Variants in FBXW7 observed in about 807,000 individuals in gnomAD.
FBXW7 encodes the protein F-box/WD repeat-containing protein 7.
A neutral mutation model predicts 86.3 loss-of-function variants in FBXW7; 11 were observed. The observed-to-expected ratio is 0.13, with a 90% CI of 0.08 to 0.21. FBXW7 has a LOEUF of 0.21. FBXW7 is among the 10% of genes least tolerant of loss of function. The pLI, the probability that FBXW7 is intolerant of heterozygous loss-of-function variation, is 1.00. For synonymous variants in FBXW7, 313 were observed against 297.9 expected (o/e 1.05, Z -0.52); for missense variants, 488 against 847.4 (o/e 0.58, Z 5.27).
intron 2 of FBXW7, among the ~76,000 whole-genome samples, chr4:152,495,640 GA>G (rs1746267808): frequency 6.6e-6 from 1 of 152,130 alleles, no homozygotes; most frequent in South Asian, 2.1e-4. Flanking sequence ...GTAGGGACTA[GA>G]AATGAGACTT....
chr4:152,476,378 T>C (rs1028913856), intron 2 of FBXW7, among the ~76,000 whole-genome samples: 3 of 151,878 alleles, frequency 2.0e-5, no homozygotes, highest in African/African-American at 7.3e-5. Flanking sequence ...TAATAAAACA[T>C]CTGGACAAAA....
chr4:152,400,443 G>C (rs886899567), intron 4 of FBXW7, among the ~76,000 whole-genome samples: 1 of 152,070 alleles, frequency 6.6e-6, no homozygotes, highest in Non-Finnish European at 1.5e-5. Flanking sequence ...CCAGGCTCAA[G>C]CAATCCTCCA....
chr4:152,498,809 C>T lies in FBXW7; in HGVS notation c.-120+36132G>A, dbSNP rs114379401. 4.6e-5 allele frequency among the ~76,000 whole-genome samples: 7 copies of T among 151,888 alleles called. 1 individual carries two copies. Among genetic ancestry groups the T allele is most frequent in the African/African-American group, 9.7e-5 (4 of 41,382 alleles). On this transcript the variant is annotated intron_variant, in intron 2 of 13. Coordinates refer to ENST00000281708, the MANE Select transcript of FBXW7 (RefSeq NM_001349798.2). ...AGAAGAAAAAGCAATTCAAAAGGTA[C>T]AAAAATTGGCATTCCTGGTAAGAAA...
intron 2 of FBXW7, among the ~76,000 whole-genome samples, chr4:152,521,703 A>T (rs899867466): frequency 3.9e-5 from 6 of 152,104 alleles, no homozygotes; most frequent in Non-Finnish European, 7.4e-5. Flanking sequence ...AGGGATCCCA[A>T]AGGGATCCCA....
intron 4 of FBXW7, among the ~76,000 whole-genome samples, chr4:152,378,910 G>A (rs912494354): frequency 1.3e-5 from 2 of 152,156 alleles, no homozygotes; most frequent in African/African-American, 4.8e-5. Context: ...GGAGGCTGAG[G>A]TGGGAGGATC....
intron 4 of FBXW7, among the ~76,000 whole-genome samples, chr4:152,400,760 T>C (rs1736854858): frequency 6.6e-6 from 1 of 152,154 alleles, no homozygotes; most frequent in Non-Finnish European, 1.5e-5. Context: ...AAAGACACTG[T>C]CAGGAAAATA....
intron 2 of FBXW7, among the ~76,000 whole-genome samples, chr4:152,517,144 T>C (rs1394968194): frequency 6.6e-6 from 1 of 152,128 alleles, no homozygotes; most frequent in Non-Finnish European, 1.5e-5. Flanking sequence ...TCTAAACCAA[T>C]GACATATCAA....
At chr4:152,449,189 C>T (rs1339490548) in intron 2 of FBXW7, among the ~76,000 whole-genome samples, 1 of 152,178 alleles carries the variant, frequency 6.6e-6, no homozygotes, top group African/African-American at 2.4e-5. Flanking sequence ...TTCAAGAAGC[C>T]TGCCAAATAC....
chr4:152,487,804 G>C (rs1164617147), intron 2 of FBXW7, among the ~76,000 whole-genome samples: 1 of 151,952 alleles, frequency 6.6e-6, no homozygotes, highest in African/African-American at 2.4e-5. Flanking sequence ...ATGGACTGCT[G>C]CTACATAATT....
intron 2 of FBXW7, among the ~76,000 whole-genome samples, chr4:152,510,221 A>G (rs1579391067): frequency 6.6e-6 from 1 of 152,224 alleles, no homozygotes; most frequent in Non-Finnish European, 1.5e-5. Context: ...TCTAAATGCT[A>G]ATTCTCTTGT....
At chr4:152,418,463 A>T (rs1024991939) in intron 2 of FBXW7, among the ~76,000 whole-genome samples, 2 of 152,202 alleles carry the variant, frequency 1.3e-5, no homozygotes, top group African/African-American at 4.8e-5. Flanking sequence ...GAAGGATATC[A>T]GCAAGTCTCA....
chr4:152,368,892 T>G (rs1048659317), intron 4 of FBXW7, among the ~76,000 whole-genome samples: 2 of 152,072 alleles, frequency 1.3e-5, no homozygotes, highest in Non-Finnish European at 2.9e-5. Flanking sequence ...TAGGGAGACA[T>G]AATGGGGTTA....
At chr4:152,366,460 G>C (rs1733484894) in intron 4 of FBXW7, among the ~76,000 whole-genome samples, 1 of 152,114 alleles carries the variant, frequency 6.6e-6, no homozygotes, top group Non-Finnish European at 1.5e-5. Context: ...TAACTTCACA[G>C]ACAGTATTTT....
At chr4:152,499,559 G>C (rs1746712951) in intron 2 of FBXW7, among the ~76,000 whole-genome samples, 1 of 151,822 alleles carries the variant, frequency 6.6e-6, no homozygotes. Flanking sequence ...AAGAACCAGA[G>C]ACTTATCAGT....
chr4:152,443,812 T>C (rs1464033007), intron 2 of FBXW7, among the ~76,000 whole-genome samples: 2 of 152,182 alleles, frequency 1.3e-5, no homozygotes, highest in African/African-American at 4.8e-5. Flanking sequence ...TCTAAAAAAT[T>C]TTAATGTTTT....
intron 4 of FBXW7, among the ~76,000 whole-genome samples, chr4:152,385,096 C>T (rs1735418070): frequency 6.6e-6 from 1 of 151,968 alleles, no homozygotes. Flanking sequence ...GTTAATATTA[C>T]AACAGTTTTC....
intron 4 of FBXW7, among the ~76,000 whole-genome samples, chr4:152,366,174 T>C (rs1733460422): frequency 6.6e-6 from 1 of 152,214 alleles, no homozygotes; most frequent in Non-Finnish European, 1.5e-5. Context: ...GTCTATTGTT[T>C]ATAATACTTA....
At chr4:152,332,770 T>C (rs771241600) in intron 7 of FBXW7, 51 bp from the exon 8 acceptor site, 46 of 853,360 alleles carry the variant, frequency 5.4e-5, no homozygotes, top group Admixed American at 1.4e-4. Flanking sequence ...AATATATATA[T>C]TATATAATAA....
intron 13 of FBXW7, 92 bp downstream of exon 13, chr4:152,324,092 G>C: frequency 1.0e-6 from 1 of 960,458 alleles, no homozygotes; most frequent in African/African-American, 1.6e-5. Flanking sequence ...TTCTGTATGA[G>C]GTTGACTCTT....
Sources: gnomAD v4.1 joint callset for allele counts (sites outside exome capture counted in the v4.1 genomes callset) on GRCh38, gnomAD v4.1.1 for gene constraint, MANE v1.5 for transcripts, NCBI Gene and HGNC (gene_info 2026-07-23, HGNC 2026-07-21) for gene names.